NUDCD1: variants seen among roughly 807,000 people sequenced by gnomAD.
NUDCD1 encodes the protein nudC domain-containing protein 1.
NUDCD1 carries 60 observed loss-of-function variants against 67.8 expected under a neutral mutation model. The observed-to-expected ratio is 0.88, with a 90% CI of 0.72 to 1.10. The LOEUF (loss-of-function observed/expected upper bound fraction) is 1.10. Among genes scored for constraint, NUDCD1 ranks in the 50% least tolerant of loss-of-function variants. The pLI, the probability that NUDCD1 is intolerant of heterozygous loss-of-function variation, is 0.00. For synonymous variants in NUDCD1, 244 were observed against 230.8 expected (o/e 1.06, Z -0.52); for missense variants, 643 against 695.0 (o/e 0.93, Z 0.84).
At chr8:109,265,470 A>C (rs887782065) in intron 8 of NUDCD1, among the ~76,000 whole-genome samples, 1 of 152,204 alleles carries the variant, frequency 6.6e-6, no homozygotes, top group African/African-American at 2.4e-5. Flanking sequence ...TATCCTCTTG[A>C]AAGGATTAAC....
chr8:109,256,664 G>A (rs939845034), intron 8 of NUDCD1, among the ~76,000 whole-genome samples: 1 of 152,030 alleles, frequency 6.6e-6, no homozygotes, highest in Non-Finnish European at 1.5e-5. Flanking sequence ...CAAAATGAAA[G>A]ATAACTTTAG....
chr8:109,319,003 G>C (rs1270363838), intron 2 of NUDCD1, among the ~76,000 whole-genome samples: 1 of 149,166 alleles, frequency 6.7e-6, no homozygotes, highest in African/African-American at 2.5e-5. Flanking sequence ...TGTGGCCCAG[G>C]CTGGAGTGCA....
chr8:109,245,510 TCAA>T (rs1207989583), intron 8 of NUDCD1, 29 bp from the exon 9 acceptor site: 3 of 1,561,614 alleles, frequency 1.9e-6, no homozygotes, highest in East Asian at 2.3e-5. Context: ...AAAAATTTAC[TCAA>T]CAACAAATTA....
rs1586317667 is a variant in NUDCD1 at position 109,330,082 on chromosome 8, A to G, written c.118+3811T>C. The stretch of plus-strand genomic sequence containing the variant: ...AAATATAGCTGGGAAACATATAAAA[A>G]CATATAAAAAGACTTGTACTAAATG... On this transcript the variant is annotated intron_variant, in intron 1 of 9. Coordinates refer to ENST00000239690, the MANE Select transcript of NUDCD1 (RefSeq NM_032869.4). 9 of 383,694 alleles carry G rather than the reference A, an allele frequency of 2.3e-5. No homozygotes were observed. The East Asian group carries it at 3.7e-4, about 16-fold the overall frequency. The allele number at this position is 383,694 out of a possible 1,614,324, so 23.8% of individuals were successfully genotyped here.
intron 3 of NUDCD1, among the ~76,000 whole-genome samples, 159 bp downstream of exon 3, chr8:109,296,225 A>G (rs1345649153): frequency 6.6e-6 from 1 of 152,234 alleles, no homozygotes; most frequent in African/African-American, 2.4e-5. Flanking sequence ...TGAAAAATAT[A>G]TATGTTATAA....
intron 5 of NUDCD1, among the ~76,000 whole-genome samples, chr8:109,287,002 C>A (rs942291559): frequency 2.6e-5 from 4 of 152,010 alleles, no homozygotes; most frequent in Admixed American, 1.3e-4. Flanking sequence ...AAATGGCCAA[C>A]ACACATGAAA....
chr8:109,302,676 C>G (rs1001100806), intron 2 of NUDCD1, among the ~76,000 whole-genome samples: 1 of 152,132 alleles, frequency 6.6e-6, no homozygotes, highest in African/African-American at 2.4e-5. Context: ...AAGGTTAATG[C>G]TCCTCTTTCT....
intron 8 of NUDCD1, among the ~76,000 whole-genome samples, chr8:109,265,136 T>C (rs1424459362): frequency 6.6e-6 from 1 of 152,018 alleles, no homozygotes; most frequent in Admixed American, 6.6e-5. Flanking sequence ...AAAAAATAAA[T>C]CTCAAATCTT....
chr8:109,318,934 C>G (rs1815467007), intron 2 of NUDCD1, among the ~76,000 whole-genome samples: 1 of 150,846 alleles, frequency 6.6e-6, no homozygotes, highest in African/African-American at 2.4e-5. Context: ...CTATAGTCCA[C>G]AGGCCAATTC....
chr8:109,268,771 C>G (rs1814070896), intron 8 of NUDCD1, among the ~76,000 whole-genome samples: 1 of 152,150 alleles, frequency 6.6e-6, no homozygotes, highest in African/African-American at 2.4e-5. Context: ...CAACAGCCTT[C>G]TATCAGTCAC....
intron 8 of NUDCD1, among the ~76,000 whole-genome samples, chr8:109,249,450 C>A (rs545733933): frequency 6.6e-6 from 1 of 152,254 alleles, no homozygotes; most frequent in Admixed American, 6.5e-5. Flanking sequence ...AAATAACATA[C>A]ACTTATTCTG....
chr8:109,327,288 C>T (rs1381274209), intron 1 of NUDCD1, among the ~76,000 whole-genome samples: 2 of 152,224 alleles, frequency 1.3e-5, no homozygotes, highest in East Asian at 1.9e-4. Context: ...GACCTCAACA[C>T]ATTCATGTGG....
At chr8:109,283,944 T>C (rs1049938662) in intron 5 of NUDCD1, among the ~76,000 whole-genome samples, 1 of 142,784 alleles carries the variant, frequency 7.0e-6, no homozygotes, top group African/African-American at 2.7e-5. Context: ...TAAATGTAAA[T>C]GATCAAAACA....
rs187174450 is a variant in NUDCD1, at chr8:109,266,274, G to A, written c.1299+4731C>T. Reference sequence around the variant, plus strand: ...GGAGTCTCGCTGTGTCACCCAGGCCGGAGTGCAGTGGCGCGATCTCGGCTC... The same window carrying A: ...GGAGTCTCGCTGTGTCACCCAGGCCAGAGTGCAGTGGCGCGATCTCGGCTC... On this transcript the variant is annotated intron_variant, in intron 8 of 9. Coordinates refer to ENST00000239690, the MANE Select transcript of NUDCD1 (RefSeq NM_032869.4). Among the ~76,000 whole-genome samples the A allele has an allele frequency of 2.5e-3, 376 of 151,534 alleles. 2 individuals are homozygous for A. Among genetic ancestry groups the A allele is most frequent in the African/African-American group, 8.0e-3 (329 of 41,318 alleles).
At chr8:109,275,856 G>A (rs563390625) in intron 6 of NUDCD1, among the ~76,000 whole-genome samples, 7 of 152,038 alleles carry the variant, frequency 4.6e-5, no homozygotes, top group South Asian at 2.1e-4. Context: ...GGGAATGGTC[G>A]GGGGTGTGGG....
At chr8:109,250,235 T>G (rs1388287869) in intron 8 of NUDCD1, among the ~76,000 whole-genome samples, 1 of 152,170 alleles carries the variant, frequency 6.6e-6, no homozygotes, top group Non-Finnish European at 1.5e-5. Context: ...AGCTTCCCTA[T>G]TTTTTACTTC....
At chr8:109,247,220 C>CTA (rs1813518781) in intron 8 of NUDCD1, among the ~76,000 whole-genome samples, 1 of 151,752 alleles carries the variant, frequency 6.6e-6, no homozygotes, top group Non-Finnish European at 1.5e-5. Context: ...CTCTGATACT[C>CTA]TATTTTTTTT....
chr8:109,246,128 A>G (rs1477664736), intron 8 of NUDCD1, among the ~76,000 whole-genome samples: 4 of 152,228 alleles, frequency 2.6e-5, no homozygotes, highest in South Asian at 2.1e-4. Flanking sequence ...ACTGTCTTCC[A>G]CAAAACTGGT....
intron 1 of NUDCD1, among the ~76,000 whole-genome samples, chr8:109,333,141 T>C (rs2130166702): frequency 6.6e-6 from 1 of 152,364 alleles, no homozygotes; most frequent in South Asian, 2.1e-4. Context: ...TTTTATACTT[T>C]AATGTCTGTT....
Sources: allele counts gnomAD v4.1 joint callset (sites outside exome capture counted in the v4.1 genomes callset), GRCh38; gene constraint gnomAD v4.1.1; transcripts MANE v1.5; gene names NCBI Gene and HGNC (gene_info 2026-07-23, HGNC 2026-07-21).